The following LIPA variants were observed in gnomAD, a reference collection of about 807,000 sequenced individuals.
The protein encoded by LIPA is lipase A, lysosomal acid type.
In LIPA, 26 loss-of-function variants were observed where a neutral mutation model predicts 40.6. That is an observed-to-expected ratio of 0.64 (90% CI 0.47 to 0.89). The LOEUF (loss-of-function observed/expected upper bound fraction) is 0.89, where lower values mean the gene tolerates loss of function less well. Ranked by LOEUF, LIPA falls within the 40% of genes least tolerant of loss-of-function variation. The probability of loss-of-function intolerance (pLI) is 0.00; values close to 1 mark genes in which losing one functional copy is unlikely to be tolerated. For synonymous variants in LIPA, 188 were observed against 168.4 expected (o/e 1.12, Z -0.90); for missense variants, 455 against 479.6 (o/e 0.95, Z 0.48).
chr10:89,373,191 C>T (rs528935901), intron 2 of LIPA, among the ~76,000 whole-genome samples: 24 of 151,878 alleles, frequency 1.6e-4, no homozygotes, highest in African/African-American at 5.6e-4. Flanking sequence ...AAACATTTGC[C>T]GGGCGTGGTG....
intron 1 of LIPA, chr10:89,338,976 G>A (rs1843797473): frequency 6.2e-7 from 1 of 1,614,004 alleles, no homozygotes; most frequent in Admixed American, 1.7e-5. Flanking sequence ...ACTATCACTT[G>A]GGCAGACTCT....
At chr10:89,292,304 GT>G (rs1843379222) in intron 1 of LIPA, 1 of 152,136 alleles carries the variant, frequency 6.6e-6, no homozygotes, top group East Asian at 1.9e-4. Flanking sequence ...AGATCCCTTT[GT>G]ACAGAGGCAC....
intron 2 of LIPA, among the ~76,000 whole-genome samples, chr10:89,389,892 T>C (rs1257637613): frequency 6.6e-6 from 1 of 151,266 alleles, no homozygotes; most frequent in African/African-American, 2.4e-5. Flanking sequence ...ATTTCAGACA[T>C]ACAATAGACA....
At chr10:89,217,967 T>C (rs542146856) in intron 8 of LIPA, among the ~76,000 whole-genome samples, 40 of 152,050 alleles carry the variant, frequency 2.6e-4, no homozygotes, top group African/African-American at 9.4e-4. Context: ...ATAAATAAAA[T>C]ACAAACAGAA....
chr10:89,339,226 T>C (rs1279321964), intron 1 of LIPA: 1 of 1,614,174 alleles, frequency 6.2e-7, no homozygotes, highest in Admixed American at 1.7e-5. Flanking sequence ...AGAGAAACAG[T>C]TCTCTACTGA....
chr10:89,389,487 A>T (rs1844230419), intron 2 of LIPA, among the ~76,000 whole-genome samples: 5 of 152,172 alleles, frequency 3.3e-5, no homozygotes, highest in Admixed American at 3.3e-4. Flanking sequence ...TCTAACAAGA[A>T]ATCAGCTTTT....
intron 3 of LIPA, among the ~76,000 whole-genome samples, chr10:89,237,060 G>C (rs1020013596): frequency 6.6e-6 from 1 of 152,146 alleles, no homozygotes; most frequent in African/African-American, 2.4e-5. Context: ...GACCTCTTGA[G>C]GCCAGGTGTT....
intron 1 of LIPA, among the ~76,000 whole-genome samples, chr10:89,278,754 A>G (rs138166263): frequency 1.1e-3 from 170 of 152,188 alleles, no homozygotes; most frequent in Non-Finnish European, 1.6e-3. Flanking sequence ...TAAAAAAAGT[A>G]ATTATGGAAG....
At chr10:89,269,799 C>G (rs570014807) in intron 1 of LIPA, among the ~76,000 whole-genome samples, 2 of 152,224 alleles carry the variant, frequency 1.3e-5, no homozygotes, top group South Asian at 4.1e-4. Context: ...TTTTTTTAAA[C>G]TTTATTCTTT....
chr10:89,349,154 G>A (rs376079963), intron 2 of LIPA, among the ~76,000 whole-genome samples: 1 of 152,168 alleles, frequency 6.6e-6, no homozygotes. Context: ...TCCCTTCCCA[G>A]GGAATCTTAT....
chr10:89,339,345 T>C, intron 1 of LIPA: 8 of 1,613,684 alleles, frequency 5.0e-6, no homozygotes, highest in Non-Finnish European at 6.8e-6. Context: ...AGCAGTTTGT[T>C]GAAGAAGCCT....
chr10:89,313,939 T>G (rs1232975618), intron 1 of LIPA, among the ~76,000 whole-genome samples: 1 of 152,208 alleles, frequency 6.6e-6, no homozygotes, highest in East Asian at 1.9e-4. Context: ...TTGATTGTGG[T>G]GCTGGTTGCA....
chr10:89,383,567 A>C (rs766537437), intron 2 of LIPA: 1 of 1,614,240 alleles, frequency 6.2e-7, no homozygotes, highest in South Asian at 1.1e-5. Context: ...ATTCAGAAAG[A>C]ACATGCCAAC....
chr10:89,280,950 G>T lies in LIPA; in HGVS notation c.-1-33301C>A, dbSNP rs190172488. Reference sequence around the variant, plus strand: ...AACTCTTGCCTCAGATATTATAGGTGAAAAGTCTTAAACAAAGAAGTACAA... The same window carrying T: ...AACTCTTGCCTCAGATATTATAGGTTAAAAGTCTTAAACAAAGAAGTACAA... On this transcript the variant is annotated intron_variant, in intron 1 of 5. Transcript: ENST00000282673. Among the ~76,000 whole-genome samples, 13 of 152,230 alleles carry T rather than the reference G, an allele frequency of 8.5e-5. No homozygotes were observed. The East Asian group carries it at 1.2e-3, about 14-fold the overall frequency.
At chr10:89,227,081 A>T in intron 4 of LIPA, 77 bp from the exon 5 acceptor site, 2 of 919,890 alleles carry the variant, frequency 2.2e-6, no homozygotes, top group Non-Finnish European at 3.6e-6. Flanking sequence ...ATGCAGTTTG[A>T]TGAGTTATCA....
At chr10:89,287,970 A>G (rs1181317917) in intron 1 of LIPA, among the ~76,000 whole-genome samples, 1 of 152,122 alleles carries the variant, frequency 6.6e-6, no homozygotes, top group Non-Finnish European at 1.5e-5. Context: ...TGCTTTCTTT[A>G]CTATTCCTTT....
intron 1 of LIPA, among the ~76,000 whole-genome samples, chr10:89,261,532 A>T (rs1053518383): frequency 3.9e-5 from 6 of 152,132 alleles, no homozygotes; most frequent in Non-Finnish European, 8.8e-5. Context: ...AATTAAAATT[A>T]AAATTTAAAA....
At chr10:89,297,497 A>T (rs1843422226) in intron 1 of LIPA, among the ~76,000 whole-genome samples, 1 of 152,178 alleles carries the variant, frequency 6.6e-6, no homozygotes, top group African/African-American at 2.4e-5. Flanking sequence ...CTACAGTGAC[A>T]CAGCACTGGC....
chr10:89,238,278 C>T (rs188182442), intron 3 of LIPA, among the ~76,000 whole-genome samples: 32 of 152,214 alleles, frequency 2.1e-4, no homozygotes, highest in Admixed American at 1.3e-3. Context: ...TTGATGGAGA[C>T]GAGTGCTTCT....
Sources: allele counts gnomAD v4.1 joint callset (sites outside exome capture counted in the v4.1 genomes callset), GRCh38; gene constraint gnomAD v4.1.1; transcripts MANE v1.5; gene names NCBI Gene and HGNC (gene_info 2026-07-23, HGNC 2026-07-21).